The following HCN1 variants were observed in gnomAD, a reference collection of about 807,000 sequenced individuals.
HCN1 encodes the protein potassium/sodium hyperpolarization-activated cyclic nucleotide-gated channel 1.
Under a neutral mutation model 78.9 loss-of-function variants are expected in HCN1, and 13 were observed. That is an observed-to-expected ratio of 0.16 (90% CI 0.11 to 0.26). The LOEUF (loss-of-function observed/expected upper bound fraction) is 0.26. HCN1 is among the 10% of genes least tolerant of loss of function. HCN1 has a pLI of 1.00. For synonymous variants in HCN1, 552 were observed against 455.5 expected, an observed-to-expected ratio of 1.21 and a Z score of -2.70; for missense variants, 810 against 1,154.3, an observed-to-expected ratio of 0.70 and a Z score of 4.32.
At chr5:45,518,984 A>C (rs745609153) in intron 2 of HCN1, among the ~76,000 whole-genome samples, 8 of 151,754 alleles carry the variant, frequency 5.3e-5, no homozygotes, top group Admixed American at 1.3e-4. Context: ...TAAATATATA[A>C]AATTTAAAAC....
chr5:45,580,257 C>T (rs1031580612), intron 2 of HCN1, among the ~76,000 whole-genome samples: 11 of 152,006 alleles, frequency 7.2e-5, no homozygotes, highest in African/African-American at 2.7e-4. Flanking sequence ...ATTGTAGTCA[C>T]AAAGGACCTT....
intron 2 of HCN1, among the ~76,000 whole-genome samples, chr5:45,573,694 G>A (rs1380375378): frequency 6.6e-6 from 1 of 151,928 alleles, no homozygotes; most frequent in Non-Finnish European, 1.5e-5. Context: ...AAAAATCTAT[G>A]AGGGTTGAAA....
At chr5:45,600,767 C>T (rs1744606372) in intron 2 of HCN1, among the ~76,000 whole-genome samples, 1 of 152,138 alleles carries the variant, frequency 6.6e-6, no homozygotes, top group African/African-American at 2.4e-5. Context: ...AGATGAATGT[C>T]AAATAAGTAT....
intron 2 of HCN1, among the ~76,000 whole-genome samples, chr5:45,538,538 T>C (rs568963465): frequency 6.6e-6 from 1 of 152,316 alleles, no homozygotes; most frequent in Non-Finnish European, 1.5e-5. Flanking sequence ...AAGTAAGTGA[T>C]GGAACTAGGA....
intron 2 of HCN1, among the ~76,000 whole-genome samples, chr5:45,484,510 C>G (rs1409341310): frequency 4.6e-5 from 7 of 152,096 alleles, no homozygotes; most frequent in Admixed American, 4.6e-4. Context: ...GCAGACATGA[C>G]TCAAAGAGGG....
intron 6 of HCN1, among the ~76,000 whole-genome samples, chr5:45,269,952 G>A (rs1207190904): frequency 6.6e-6 from 1 of 152,136 alleles, no homozygotes; most frequent in Non-Finnish European, 1.5e-5. Flanking sequence ...GTAACCACCA[G>A]CATACATTTA....
chr5:45,400,062 ACTAAAATGTAAAAT>A (rs887465003), intron 3 of HCN1, among the ~76,000 whole-genome samples: 1 of 152,160 alleles, frequency 6.6e-6, no homozygotes, highest in African/African-American at 2.4e-5. Context: ...ATTTACATTT[ACTAAAATGTAAAAT>A]CTAATTCAAG....
chr5:45,532,872 T>C (rs770100952), intron 2 of HCN1, among the ~76,000 whole-genome samples: 16 of 152,226 alleles, frequency 1.1e-4, no homozygotes, highest in Non-Finnish European at 2.1e-4. Flanking sequence ...AATGGAACTT[T>C]GTGAAGAAAA....
intron 2 of HCN1, among the ~76,000 whole-genome samples, chr5:45,467,840 A>T (rs1190523037): frequency 6.6e-6 from 1 of 152,160 alleles, no homozygotes; most frequent in Non-Finnish European, 1.5e-5. Flanking sequence ...CCTAAAAAAC[A>T]TTTTAATTGA....
intron 1 of HCN1, among the ~76,000 whole-genome samples, chr5:45,668,059 A>G (rs772385241): frequency 6.6e-6 from 1 of 151,978 alleles, no homozygotes; most frequent in African/African-American, 2.4e-5. Flanking sequence ...TTCCTATGTA[A>G]TGTCATGCAT....
chr5:45,411,535 C>A (rs1175175744), intron 3 of HCN1, among the ~76,000 whole-genome samples: 1 of 151,746 alleles, frequency 6.6e-6, no homozygotes, highest in Non-Finnish European at 1.5e-5. Flanking sequence ...AAATTTAGTG[C>A]ATTCCACTTG....
intron 3 of HCN1, among the ~76,000 whole-genome samples, chr5:45,418,601 G>A (rs763376695): frequency 1.3e-5 from 2 of 151,894 alleles, no homozygotes; most frequent in Admixed American, 6.6e-5. Flanking sequence ...AACCCATGAG[G>A]AGAATAATAG....
At chr5:45,679,415 T>G (rs1049527263) in intron 1 of HCN1, among the ~76,000 whole-genome samples, 6 of 152,066 alleles carry the variant, frequency 3.9e-5, no homozygotes, top group African/African-American at 1.4e-4. Context: ...CTTTCCCGTG[T>G]GACCAGTTAA....
At position 45,556,397 on chromosome 5, in the gene HCN1, T is replaced by G. The variant is rs1342059191; in HGVS notation, c.849+88788A>C. ...CATCTTTTCTCCTACTAAAATTACC[T>G]TGATAAGGCCATTGTTCTCTGCCTA... On this transcript the variant is annotated intron_variant, in intron 2 of 7. Transcript: ENST00000303230. Among the ~76,000 whole-genome samples the G allele has an allele frequency of 3.3e-5, 5 of 152,002 alleles. No individual in the cohort carries two copies. The East Asian group carries it at 9.7e-4, about 29-fold the overall frequency.
chr5:45,692,206 C>A (rs6451812), intron 1 of HCN1, among the ~76,000 whole-genome samples: 1 of 152,000 alleles, frequency 6.6e-6, no homozygotes, highest in African/African-American at 2.4e-5. Context: ...ATTCTTTCAA[C>A]CTATTTAAAT....
intron 1 of HCN1, among the ~76,000 whole-genome samples, chr5:45,657,618 CATGAG>C (rs1745800338): frequency 6.6e-6 from 1 of 152,088 alleles, no homozygotes; most frequent in East Asian, 1.9e-4. Flanking sequence ...AGAGTTAAAT[CATGAG>C]TGAACTCCCA....
chr5:45,272,983 A>G (rs1744987708), intron 6 of HCN1, among the ~76,000 whole-genome samples: 1 of 152,048 alleles, frequency 6.6e-6, no homozygotes, highest in African/African-American at 2.4e-5. Flanking sequence ...TCTTGTTTGT[A>G]TACTCTCTGA....
chr5:45,308,094 C>T (rs1745773056), intron 5 of HCN1, among the ~76,000 whole-genome samples: 1 of 152,030 alleles, frequency 6.6e-6, no homozygotes, highest in East Asian at 1.9e-4. Flanking sequence ...AGTTCTCACT[C>T]TATTAGTTTT....
At chr5:45,660,485 T>C (rs1372270948) in intron 1 of HCN1, among the ~76,000 whole-genome samples, 4 of 149,318 alleles carry the variant, frequency 2.7e-5, no homozygotes, top group Admixed American at 2.0e-4. Flanking sequence ...GACTAAATTC[T>C]GCAATTAAAA....
Sources: gnomAD v4.1 joint callset for allele counts (sites outside exome capture counted in the v4.1 genomes callset) on GRCh38, gnomAD v4.1.1 for gene constraint, MANE v1.5 for transcripts, NCBI Gene and HGNC (gene_info 2026-07-23, HGNC 2026-07-21) for gene names.